Variants in CEP83 observed in about 807,000 individuals in gnomAD.
The protein encoded by CEP83 is centrosomal protein 83.
CEP83 carries 70 observed loss-of-function variants against 101.9 expected under a neutral mutation model. That is an observed-to-expected ratio of 0.69 (90% CI 0.57 to 0.84). CEP83 has a LOEUF of 0.84. CEP83 is among the 40% of genes least tolerant of loss of function. The pLI is 0.00. For synonymous variants in CEP83, 264 were observed against 267.9 expected, an observed-to-expected ratio of 0.99 and a Z score of 0.14; for missense variants, 715 against 787.2, an observed-to-expected ratio of 0.91 and a Z score of 1.10.
In CEP83 at chr12:94,312,942, A is replaced by G. The variant is rs764718970; in HGVS notation, c.1783T>C (p.Leu595=). Residue 595 remains leucine, a synonymous_variant, in exon 15 of 17, where the codon TTG becomes CTG. Coordinates refer to ENST00000397809, the MANE Select transcript of CEP83 (RefSeq NM_016122.3). ...VEVLEAKKEE[L]ETENQVLNRQ... ...TTTAAGACCTGATTTTCTGTTTCCA[A>G]TTCTTCTTTCTTTGCCTCCAAGACT... The G allele has an allele frequency of 2.5e-6, 4 of 1,586,542 alleles. No individual in the cohort carries two copies. Among genetic ancestry groups the G allele is most frequent in the Non-Finnish European group, 3.4e-6 (4 of 1,159,436 alleles).
intron 8 of CEP83, 62 bp from the exon 9 acceptor site, chr12:94,370,098 C>T (rs2061227111): frequency 1.1e-6 from 1 of 919,878 alleles, no homozygotes; most frequent in African/African-American, 1.6e-5. Flanking sequence ...ATACTTACCC[C>T]AAAACATAAG....
chr12:94,317,797 A>G (rs1265862997), intron 14 of CEP83, among the ~76,000 whole-genome samples: 1 of 152,038 alleles, frequency 6.6e-6, no homozygotes, highest in Non-Finnish European at 1.5e-5. Context: ...TATCAATATC[A>G]TGCTGTTTTG....
chr12:94,378,936 TA>T lies in CEP83; in HGVS notation c.655del (p.Tyr219IlefsTer6). ...RVEQLAREKV[Y>X]LCQKLKGLEA... Reference sequence around the variant, plus strand: ...TAAACCTTTTAATTTTTGACACAAATAGACTTTTTCTCGAGCAAGTTGTTCC... The same window carrying T: ...TAAACCTTTTAATTTTTGACACAAATGACTTTTTCTCGAGCAAGTTGTTCC... On this transcript the variant is annotated frameshift_variant, in exon 7 of 17. Transcript: ENST00000397809. LOFTEE classifies it high-confidence loss of function. 1 of 1,614,120 alleles carries T rather than the reference TA, an allele frequency of 6.2e-7. No individual in the cohort carries two copies. The highest frequency in any genetic ancestry group is 8.5e-7 in the Non-Finnish European group (1 of 1,179,974).
chr12:94,342,563 G>C (rs2059729502), intron 11 of CEP83, among the ~76,000 whole-genome samples: 1 of 152,122 alleles, frequency 6.6e-6, no homozygotes, highest in African/African-American at 2.4e-5. Flanking sequence ...TTGCAGGCAA[G>C]GGCTCACTGC....
chr12:94,406,995 C>T (rs2063581667), intron 4 of CEP83, among the ~76,000 whole-genome samples: 1 of 147,812 alleles, frequency 6.8e-6, no homozygotes, highest in South Asian at 2.1e-4. Context: ...ATGAAAATTA[C>T]ACTGCATGGA....
At chr12:94,456,057 A>G (rs866581171) in intron 1 of CEP83, among the ~76,000 whole-genome samples, 1,539 of 152,214 alleles carry the variant, frequency 0.01, 37 homozygotes, top group African/African-American at 0.032. Context: ...CAAAAAAAAA[A>G]AAAAGAAAAA....
At chr12:94,413,073 C>T (rs1355476330) in intron 2 of CEP83, among the ~76,000 whole-genome samples, 1 of 152,094 alleles carries the variant, frequency 6.6e-6, no homozygotes, top group Non-Finnish European at 1.5e-5. Flanking sequence ...AAGCTGGTCT[C>T]GAACTCCTGA....
At chr12:94,438,465 T>C (rs1185779299) in intron 1 of CEP83, among the ~76,000 whole-genome samples, 1 of 152,122 alleles carries the variant, frequency 6.6e-6, no homozygotes, top group Non-Finnish European at 1.5e-5. Flanking sequence ...CATTATATAA[T>C]GATAAAAGGA....
chr12:94,315,790 G>C (rs182930451), intron 14 of CEP83, among the ~76,000 whole-genome samples: 1 of 151,798 alleles, frequency 6.6e-6, no homozygotes, highest in East Asian at 1.9e-4. Context: ...ACTACTATTT[G>C]AAGGAACATC....
chr12:94,323,626 T>C (rs971065021), intron 14 of CEP83, among the ~76,000 whole-genome samples: 1 of 152,198 alleles, frequency 6.6e-6, no homozygotes, highest in South Asian at 2.1e-4. Flanking sequence ...TCCATGAAAG[T>C]GGCACACACC....
At chr12:94,418,829 A>T (rs2064491017) in intron 2 of CEP83, among the ~76,000 whole-genome samples, 1 of 152,180 alleles carries the variant, frequency 6.6e-6, no homozygotes, top group Non-Finnish European at 1.5e-5. Context: ...TCACCTCAAT[A>T]AAAAAAGAGA....
the CEP83 span, among the ~76,000 whole-genome samples, chr12:94,271,982 C>T: frequency 6.6e-6 from 1 of 152,128 alleles, no homozygotes; most frequent in Non-Finnish European, 1.5e-5. Context: ...CAACCTGTGG[C>T]AGACAGTATC....
downstream of CEP83, chr12:94,307,291 T>G (rs1199923432): frequency 1.3e-5 from 2 of 152,198 alleles, no homozygotes; most frequent in Non-Finnish European, 2.9e-5. Flanking sequence ...GATTCACTAA[T>G]GTATGTAGCG....
At chr12:94,412,269 C>A in intron 3 of CEP83, 49 bp downstream of exon 3, 1 of 1,442,018 alleles carries the variant, frequency 6.9e-7, no homozygotes, top group South Asian at 1.3e-5. Context: ...CAAGATAATG[C>A]CAATAACTTT....
At chr12:94,275,595 T>A in the CEP83 span, among the ~76,000 whole-genome samples, 18 of 86,138 alleles carry the variant, frequency 2.1e-4, 4 homozygotes, top group Non-Finnish European at 7.1e-5. Context: ...GGCTCACGCC[T>A]GTAATCCCAG....
In CEP83 at chr12:94,400,866, AT is replaced by A. The variant is rs763461488; in HGVS notation, c.532del (p.Ile178Ter). On this transcript the variant is annotated frameshift_variant, in exon 6 of 17. Coordinates refer to ENST00000397809, the MANE Select transcript of CEP83 (RefSeq NM_016122.3). LOFTEE classifies it high-confidence loss of function. Reference sequence around the variant, plus strand: ...ATCACTTACCTCTGATTCATATTTTATTTTTCCTTCATCTAAAATACGTGCA... The same window carrying A: ...ATCACTTACCTCTGATTCATATTTTATTTTCCTTCATCTAAAATACGTGCA... ...EYARILDEGKIKYESEIARLE... is the reference protein window; with the variant it reads ...EYARILDEGKXKYESEIARLE... The A allele has an allele frequency of 2.0e-6, 3 of 1,476,612 alleles. No homozygotes were observed. The highest frequency in any genetic ancestry group is 2.5e-5 in the East Asian group (1 of 39,518). The allele number at this position is 1,476,612 out of a possible 1,614,324, so 91.5% of individuals were successfully genotyped here.
intron 6 of CEP83, 34 bp from the exon 7 acceptor site, chr12:94,379,076 A>T: frequency 6.6e-7 from 1 of 1,507,048 alleles, no homozygotes; most frequent in Non-Finnish European, 9.0e-7. Flanking sequence ...ATACAAGGTT[A>T]AATTATTAAA....
At chr12:94,395,263 G>A (rs1466235857) in intron 6 of CEP83, among the ~76,000 whole-genome samples, 12 of 151,448 alleles carry the variant, frequency 7.9e-5, no homozygotes, top group East Asian at 3.9e-4. Context: ...GCAGCAACCC[G>A]ACATGGCACA....
At chr12:94,307,437 C>T (rs992255197), downstream of CEP83, 8 of 152,264 alleles carry the variant, frequency 5.3e-5, no homozygotes, top group African/African-American at 1.9e-4. Context: ...GCAACCAGAG[C>T]AACAAATGGC....
Sources: gnomAD v4.1 joint callset for allele counts (sites outside exome capture counted in the v4.1 genomes callset) on GRCh38, gnomAD v4.1.1 for gene constraint, MANE v1.5 for transcripts, NCBI Gene and HGNC (gene_info 2026-07-23, HGNC 2026-07-21) for gene names.